The following IFT88 variants were observed in gnomAD, a reference collection of about 807,000 sequenced individuals.
IFT88 encodes the protein intraflagellar transport protein 88 homolog.
In IFT88, 74 loss-of-function variants were observed where a neutral mutation model predicts 119.5. That is an observed-to-expected ratio of 0.62 (90% CI 0.51 to 0.75). The LOEUF is 0.75. IFT88 is among the 30% of genes least tolerant of loss of function. IFT88 has a pLI of 0.00. For missense variants in IFT88, 961 were observed against 977.7 expected (o/e 0.98, Z 0.23); for synonymous variants, 279 against 316.7 (o/e 0.88, Z 1.26).
At chr13:20,660,390 G>C (rs1255305511) in intron 22 of IFT88, among the ~76,000 whole-genome samples, 1 of 152,122 alleles carries the variant, frequency 6.6e-6, no homozygotes. Flanking sequence ...TTATATTTCT[G>C]GGGAGATGAT....
At chr13:20,622,970 G>A (rs1362792260) in intron 14 of IFT88, among the ~76,000 whole-genome samples, 1 of 152,136 alleles carries the variant, frequency 6.6e-6, no homozygotes, top group Non-Finnish European at 1.5e-5. Context: ...TTACAGGGAG[G>A]TCTTTGATTC....
chr13:20,661,409 T>C (rs2053755341), intron 22 of IFT88, among the ~76,000 whole-genome samples: 1 of 152,124 alleles, frequency 6.6e-6, no homozygotes, highest in African/African-American at 2.4e-5. Flanking sequence ...TGTGTTTTCT[T>C]ATACTACAAA....
At chr13:20,587,780 A>G (rs545246786) in intron 3 of IFT88, among the ~76,000 whole-genome samples, 7 of 152,206 alleles carry the variant, frequency 4.6e-5, no homozygotes, top group African/African-American at 1.2e-4. Flanking sequence ...TAGCTATACA[A>G]GCTCTTTGTC....
At chr13:20,627,623 C>T (rs532646274) in intron 15 of IFT88, among the ~76,000 whole-genome samples, 2 of 149,430 alleles carry the variant, frequency 1.3e-5, no homozygotes, top group Admixed American at 6.8e-5. Flanking sequence ...CCCAGCTACT[C>T]GGGAGGCTGA....
In IFT88 at chr13:20,592,393, G is replaced by GA; in HGVS notation, c.393dup (p.Asp132ArgfsTer2). Reference sequence around the variant, plus strand: ...GCCCTGCTTCCCCTTTGGAAGCCAAGAAAAAAGATAGGTATGTAAGTCCTT... The same window carrying GA: ...GCCCTGCTTCCCCTTTGGAAGCCAAGAAAAAAAGATAGGTATGTAAGTCCTT... On this transcript the variant is annotated frameshift_variant, in exon 7 of 26. Coordinates refer to ENST00000351808, the MANE Select transcript of IFT88 (RefSeq NM_006531.5). LOFTEE classifies it high-confidence loss of function. 1.2e-6 allele frequency: 2 copies of GA among 1,607,106 alleles called. No individual in the cohort carries two copies. Among genetic ancestry groups the GA allele is most frequent in the Non-Finnish European group, 1.7e-6 (2 of 1,177,172 alleles).
Position 20,591,709 on chromosome 13 carries a change from C to A in IFT88, c.328+28C>A, listed in dbSNP as rs557438234. ...TTGTTACACTGTCTCTACTAATAAT[C>A]TTTTTTGGATCTTTTAATCTTTTAT... On this transcript the variant is annotated intron_variant, in intron 6 of 25. Coordinates refer to ENST00000351808, the MANE Select transcript of IFT88 (RefSeq NM_006531.5). The A allele has an allele frequency of 4.1e-6, 6 of 1,462,768 alleles. No individual in the cohort carries two copies. The African/African-American group carries it at 8.5e-5, about 21-fold the overall frequency. 90.6% of individuals were successfully genotyped at this position (1,462,768 alleles called of 1,614,324 possible).
intron 14 of IFT88, among the ~76,000 whole-genome samples, chr13:20,617,776 T>G (rs916147850): frequency 2.6e-5 from 4 of 152,196 alleles, no homozygotes; most frequent in Admixed American, 1.3e-4. Context: ...GGAATGCTCT[T>G]CAGAGAACAA....
intron 22 of IFT88, among the ~76,000 whole-genome samples, chr13:20,662,942 G>T (rs2054057315): frequency 6.6e-6 from 1 of 152,142 alleles, no homozygotes; most frequent in Non-Finnish European, 1.5e-5. Context: ...TTGTATACAA[G>T]ACATGATTAA....
intron 7 of IFT88, among the ~76,000 whole-genome samples, chr13:20,595,178 C>T (rs1056933247): frequency 2.6e-5 from 4 of 152,138 alleles, no homozygotes; most frequent in African/African-American, 4.8e-5. Flanking sequence ...GCAGAAAGAT[C>T]GCTTAAGCCC....
chr13:20,597,211 A>G, intron 9 of IFT88, 92 bp downstream of exon 9: 1 of 608,104 alleles, frequency 1.6e-6, no homozygotes, highest in Admixed American at 3.5e-5. Context: ...TTAAAATCTT[A>G]CTGGTCTTCA....
At chr13:20,661,577 T>A (rs1413899565) in intron 22 of IFT88, among the ~76,000 whole-genome samples, 1 of 151,730 alleles carries the variant, frequency 6.6e-6, no homozygotes, top group African/African-American at 2.4e-5. Context: ...CTACTAAAAA[T>A]ACAAAAAATT....
intron 24 of IFT88, among the ~76,000 whole-genome samples, chr13:20,671,335 T>A (rs895388773): frequency 2.0e-5 from 3 of 152,234 alleles, no homozygotes; most frequent in Non-Finnish European, 4.4e-5. Flanking sequence ...TGGGCGTACT[T>A]ATGAGGTTTT....
rs752463134 is a variant in IFT88 at position 20,596,163 on chromosome 13, A to G, written c.412A>G (p.Ile138Val). ...TGTCTTTAATAGCCCAGAGGAAAAA[A>G]TAAAGCAATTAGAGAAGGAAGTAAA... ...AKKKDSPEEK[I>V]KQLEKEVNEL... Residue 138 changes from isoleucine to valine, a missense_variant, in exon 8 of 26, where the codon ATA becomes GTA. Coordinates refer to ENST00000351808, the MANE Select transcript of IFT88 (RefSeq NM_006531.5). The G allele has an allele frequency of 6.6e-7, 1 of 1,510,338 alleles. No individual in the cohort carries two copies. Among genetic ancestry groups the G allele is most frequent in the Non-Finnish European group, 9.0e-7 (1 of 1,113,220 alleles). The allele number at this position is 1,510,338 out of a possible 1,614,324, so 93.6% of individuals were successfully genotyped here.
intron 12 of IFT88, 48 bp downstream of exon 12, chr13:20,601,981 C>A: frequency 9.3e-7 from 1 of 1,073,960 alleles, no homozygotes; most frequent in Non-Finnish European, 1.4e-6. Context: ...CTTATCTGTG[C>A]TTTTCTGTTT....
intron 20 of IFT88, among the ~76,000 whole-genome samples, chr13:20,652,369 G>C (rs1328891445): frequency 6.6e-6 from 1 of 152,102 alleles, no homozygotes; most frequent in Non-Finnish European, 1.5e-5. Flanking sequence ...AGGTGCAGTG[G>C]CTCATGCCTG....
At chr13:20,638,173 C>T (rs143463880) in intron 16 of IFT88, among the ~76,000 whole-genome samples, 159 bp from the exon 17 acceptor site, 1 of 152,332 alleles carries the variant, frequency 6.6e-6, no homozygotes, top group African/African-American at 2.4e-5. Flanking sequence ...ATAAGTAAAA[C>T]TCTATGTAGA....
chr13:20,597,527 A>G (rs562493841), intron 9 of IFT88, among the ~76,000 whole-genome samples: 26 of 152,082 alleles, frequency 1.7e-4, no homozygotes, highest in South Asian at 8.3e-4. Context: ...GGCAGATCAC[A>G]AGGTCAGGAA....
In IFT88 at chr13:20,604,801, A is replaced by G. The variant is rs528707231; in HGVS notation, c.1042-234A>G. On this transcript the variant is annotated intron_variant, in intron 12 of 25. Transcript: ENST00000351808. ...GAAACCTCATCTCTACAAAAAATAC[A>G]AAAATTAGCCAGGCATCATGGCATG... 3.9e-5 allele frequency among the ~76,000 whole-genome samples: 6 copies of G among 152,246 alleles called. No individual in the cohort carries two copies. In the South Asian group the frequency reaches 8.3e-4, roughly 21 times the overall value.
chr13:20,647,831 T>C (rs1475112691), intron 20 of IFT88, among the ~76,000 whole-genome samples: 1 of 152,082 alleles, frequency 6.6e-6, no homozygotes, highest in Non-Finnish European at 1.5e-5. Flanking sequence ...AAGACATGAA[T>C]CCAGAAGTCT....
Sources: allele counts gnomAD v4.1 joint callset (sites outside exome capture counted in the v4.1 genomes callset), GRCh38; gene constraint gnomAD v4.1.1; transcripts MANE v1.5; gene names NCBI Gene and HGNC (gene_info 2026-07-23, HGNC 2026-07-21).